FAM193A: variants seen among roughly 807,000 people sequenced by gnomAD.
The protein encoded by FAM193A is protein FAM193A.
In FAM193A, 22 loss-of-function variants were observed where a neutral mutation model predicts 126.5. The observed-to-expected ratio is 0.17, with a 90% confidence interval of 0.12 to 0.25. The LOEUF is 0.25. Ranked by LOEUF, FAM193A falls within the 10% of genes least tolerant of loss-of-function variation. The probability of loss-of-function intolerance (pLI) is 1.00; values close to 1 mark genes in which losing one functional copy is unlikely to be tolerated. For synonymous variants in FAM193A, 761 were observed against 646.8 expected, an observed-to-expected ratio of 1.18 and a Z score of -2.68; for missense variants, 1,675 against 1,672.8, an observed-to-expected ratio of 1.00 and a Z score of -0.02.
chr4:2,568,579 A>AT (rs1290650628), intron 1 of FAM193A, among the ~76,000 whole-genome samples: 1 of 152,188 alleles, frequency 6.6e-6, no homozygotes, highest in Non-Finnish European at 1.5e-5. Context: ...TGCCATGTGA[A>AT]TTTAGACAGA....
rs1366236851 is a variant in FAM193A, at chr4:2,664,517, C to T, written c.2079+1229C>T. Among the ~76,000 whole-genome samples the T allele has an allele frequency of 7.3e-5, 11 of 150,570 alleles. No homozygotes were observed. The East Asian group carries it at 1.7e-3, about 24-fold the overall frequency. The stretch of plus-strand genomic sequence containing the variant: ...GTTTAGGAAAATGGGATAGGGTCTT[C>T]CCTCCAGCTTGGTACACCTTTCTCT... On this transcript the variant is annotated intron_variant, in intron 12 of 20. Transcript: ENST00000637812.
chr4:2,614,824 A>T (rs1294765258), intron 2 of FAM193A, among the ~76,000 whole-genome samples: 1 of 152,162 alleles, frequency 6.6e-6, no homozygotes, highest in Non-Finnish European at 1.5e-5. Context: ...GAACTGTGCT[A>T]GTTTTTGTCT....
At chr4:2,555,906 CTG>C (rs1038401097) in intron 1 of FAM193A, among the ~76,000 whole-genome samples, 1 of 146,880 alleles carries the variant, frequency 6.8e-6, no homozygotes, top group African/African-American at 2.5e-5. Flanking sequence ...GTGAGAGACA[CTG>C]TTTTTTTTTT....
At chr4:2,578,848 C>T (rs779219976) in intron 1 of FAM193A, among the ~76,000 whole-genome samples, 1 of 152,030 alleles carries the variant, frequency 6.6e-6, no homozygotes, top group African/African-American at 2.4e-5. Context: ...TCCTCATTCT[C>T]TTTACATTGG....
intron 19 of FAM193A, among the ~76,000 whole-genome samples, chr4:2,712,773 A>G (rs1343917924): frequency 6.6e-6 from 1 of 151,656 alleles, no homozygotes; most frequent in African/African-American, 2.4e-5. Flanking sequence ...GTTTTTTTAA[A>G]ATGTGTTGTG....
intron 13 of FAM193A, among the ~76,000 whole-genome samples, chr4:2,673,761 G>A (rs1193006967): frequency 6.6e-6 from 1 of 152,098 alleles, no homozygotes; most frequent in Non-Finnish European, 1.5e-5. Flanking sequence ...AGATGTTTTT[G>A]CTGCTGGAAG....
In FAM193A at chr4:2,699,659, G is replaced by T. The variant is rs554058552; in HGVS notation, c.3508-21G>T. ...TTAGCACTCACTGTAGTCTTAAATT[G>T]CCTTCTTTTTGCATTGGCAGCTGGA... is the stretch of plus-strand genomic sequence containing the variant. On this transcript the variant is annotated intron_variant, in intron 18 of 20. Transcript: ENST00000637812. The T allele has an allele frequency of 3.2e-6, 5 of 1,574,386 alleles. No homozygotes were observed. In the South Asian group the frequency reaches 3.5e-5, roughly 11 times the overall value.
At chr4:2,599,112 A>G (rs1024709321) in intron 2 of FAM193A, among the ~76,000 whole-genome samples, 1 of 152,178 alleles carries the variant, frequency 6.6e-6, no homozygotes, top group Non-Finnish European at 1.5e-5. Flanking sequence ...ACTTGGGTGC[A>G]GGTCTCCTGG....
intron 2 of FAM193A, among the ~76,000 whole-genome samples, chr4:2,602,994 A>T (rs776512419): frequency 2.3e-4 from 19 of 84,182 alleles, no homozygotes; most frequent in Non-Finnish European, 3.1e-4. Flanking sequence ...TTTGAGACGA[A>T]GTCTCGCTCT....
chr4:2,711,675 G>A (rs1718991005), intron 19 of FAM193A, among the ~76,000 whole-genome samples: 1 of 151,548 alleles, frequency 6.6e-6, no homozygotes, highest in African/African-American at 2.4e-5. Context: ...TGGGCTGGGC[G>A]CTATGGCTCA....
intron 7 of FAM193A, among the ~76,000 whole-genome samples, chr4:2,656,933 G>A (rs925536100): frequency 2.6e-5 from 4 of 152,170 alleles, no homozygotes; most frequent in Admixed American, 6.5e-5. Flanking sequence ...TTGGGAGGCC[G>A]AGGCAGGTGG....
chr4:2,591,558 G>T (rs1740574502), intron 1 of FAM193A, among the ~76,000 whole-genome samples: 1 of 152,106 alleles, frequency 6.6e-6, no homozygotes, highest in Non-Finnish European at 1.5e-5. Context: ...TCATAGGGCG[G>T]TCTAATCTGG....
chr4:2,693,501 C>T, intron 15 of FAM193A, 85 bp from the exon 16 acceptor site: 1 of 1,311,038 alleles, frequency 7.6e-7, no homozygotes, highest in Non-Finnish European at 1.1e-6. Context: ...TGAATGGGTA[C>T]TCTTTGTGTG....
In FAM193A at chr4:2,570,167, C is replaced by A. The variant is rs1057159590; in HGVS notation, c.256-25917C>A. ...GTACTTCAGAATCCGGGATTCTGGACAGTAGTGAATGTTCGTAGTCTCCAC... is the reference window on the plus strand; with the variant it reads ...GTACTTCAGAATCCGGGATTCTGGAAAGTAGTGAATGTTCGTAGTCTCCAC... On this transcript the variant is annotated intron_variant, in intron 1 of 20. Coordinates refer to ENST00000637812, the MANE Select transcript of FAM193A (RefSeq NM_001366318.2). 3.9e-5 allele frequency among the ~76,000 whole-genome samples: 6 copies of A among 152,136 alleles called. No homozygotes were observed. In the South Asian group the frequency reaches 8.3e-4, roughly 21 times the overall value.
intron 12 of FAM193A, among the ~76,000 whole-genome samples, chr4:2,668,792 C>G (rs1713441000): frequency 6.6e-6 from 1 of 151,692 alleles, no homozygotes; most frequent in African/African-American, 2.4e-5. Context: ...TTTCCTCTCT[C>G]TCTCTTTCTC....
intron 1 of FAM193A, among the ~76,000 whole-genome samples, chr4:2,572,744 G>C (rs1368773966): frequency 2.6e-5 from 4 of 151,486 alleles, no homozygotes; most frequent in South Asian, 2.1e-4. Flanking sequence ...AAGTGCAGTT[G>C]GGAACAGTTG....
At chr4:2,679,822 G>A (rs1714893847) in intron 13 of FAM193A, among the ~76,000 whole-genome samples, 1 of 151,776 alleles carries the variant, frequency 6.6e-6, no homozygotes, top group African/African-American at 2.4e-5. Context: ...GAATTGACTA[G>A]TGAAGCCATC....
intron 1 of FAM193A, among the ~76,000 whole-genome samples, chr4:2,548,563 T>A (rs1055441541): frequency 6.6e-5 from 10 of 151,728 alleles, no homozygotes; most frequent in African/African-American, 2.4e-4. Context: ...TTCAAGTGAT[T>A]CTCATGCCTC....
At chr4:2,690,541 T>A (rs1411155686) in intron 14 of FAM193A, among the ~76,000 whole-genome samples, 157 bp from the exon 15 acceptor site, 1 of 152,230 alleles carries the variant, frequency 6.6e-6, no homozygotes, top group African/African-American at 2.4e-5. Context: ...TACAATTTTT[T>A]CTTAGATTAA....
Sources: allele counts gnomAD v4.1 joint callset (sites outside exome capture counted in the v4.1 genomes callset), GRCh38; gene constraint gnomAD v4.1.1; transcripts MANE v1.5; gene names NCBI Gene and HGNC (gene_info 2026-07-23, HGNC 2026-07-21).